Variants in EIF3L observed in about 807,000 individuals in gnomAD.
EIF3L encodes eukaryotic translation initiation factor 3 subunit L.
Under a neutral mutation model 74.6 loss-of-function variants are expected in EIF3L, and 32 were observed. The observed-to-expected ratio is 0.43, with a 90% confidence interval of 0.32 to 0.58. The LOEUF is 0.58. EIF3L is among the 20% of genes least tolerant of loss of function. The pLI is 0.06. For synonymous variants in EIF3L, 256 were observed against 254.4 expected (o/e 1.01, Z -0.06); for missense variants, 474 against 707.8 (o/e 0.67, Z 3.75).
chr22:37,874,575 C>A, intron 9 of EIF3L, 51 bp downstream of exon 9: 1 of 1,586,322 alleles, frequency 6.3e-7, no homozygotes, highest in South Asian at 1.1e-5. Context: ...ATATCTATTT[C>A]TAGAGAACCA....
intron 8 of EIF3L, among the ~76,000 whole-genome samples, chr22:37,873,511 T>C (rs1249749815): frequency 3.3e-5 from 5 of 152,094 alleles, no homozygotes. Flanking sequence ...GCCAGGATGG[T>C]CTCGATCTCC....
At chr22:37,858,863 T>C in intron 5 of EIF3L, 123 bp downstream of exon 5, 1 of 923,226 alleles carries the variant, frequency 1.1e-6, no homozygotes, top group Non-Finnish European at 1.6e-6. Flanking sequence ...TTGGCATGTT[T>C]TTGAGTTTTA....
In EIF3L at chr22:37,853,253, C is replaced by G. The variant is rs989951275; in HGVS notation, c.293+1763C>G. Among the ~76,000 whole-genome samples, 4 of 152,232 alleles carry G rather than the reference C, an allele frequency of 2.6e-5. No individual in the cohort carries two copies. The South Asian group carries it at 8.3e-4, about 32-fold the overall frequency. On this transcript the variant is annotated intron_variant, in intron 3 of 12. Coordinates refer to ENST00000652021, the MANE Select transcript of EIF3L (RefSeq NM_016091.4). ...CGACAGCATCCTCAGTTCTTGACTC[C>G]TAACAAGAAAGAATTCGACTGAGGG...
At chr22:37,871,749 AT>A (rs924103565) in intron 8 of EIF3L, among the ~76,000 whole-genome samples, 5 of 151,858 alleles carry the variant, frequency 3.3e-5, no homozygotes, top group Non-Finnish European at 7.4e-5. Flanking sequence ...GGCACCTGTA[AT>A]CCCATCTACT....
intron 8 of EIF3L, 43 bp from the exon 9 acceptor site, chr22:37,874,327 T>G: frequency 6.3e-7 from 1 of 1,593,870 alleles, no homozygotes; most frequent in Non-Finnish European, 8.6e-7. Flanking sequence ...GTGCCTGCCT[T>G]TACCTGCCTC....
At chr22:37,875,202 C>T (rs1281852656) in intron 9 of EIF3L, among the ~76,000 whole-genome samples, 1 of 149,310 alleles carries the variant, frequency 6.7e-6, no homozygotes, top group African/African-American at 2.5e-5. Flanking sequence ...AACCCTGTCT[C>T]TGTTGAAAAT....
chr22:37,868,039 G>C (rs979599308), intron 7 of EIF3L, among the ~76,000 whole-genome samples: 5 of 149,994 alleles, frequency 3.3e-5, no homozygotes, highest in Non-Finnish European at 7.4e-5. Flanking sequence ...TCTTTGAAGT[G>C]ATCATCACTA....
At chr22:37,856,320 G>C (rs571236395) in intron 4 of EIF3L, among the ~76,000 whole-genome samples, 3 of 151,782 alleles carry the variant, frequency 2.0e-5, no homozygotes, top group Non-Finnish European at 2.9e-5. Flanking sequence ...CAGGTGATTC[G>C]CCCACCTCAG....
intron 8 of EIF3L, among the ~76,000 whole-genome samples, chr22:37,872,044 T>C (rs754413182): frequency 3.9e-5 from 6 of 152,122 alleles, no homozygotes; most frequent in African/African-American, 1.4e-4. Context: ...AATCTGAAAC[T>C]GTATTGGTGA....
At chr22:37,849,951 C>G in intron 1 of EIF3L, 64 bp from the exon 2 acceptor site, 1 of 1,581,902 alleles carries the variant, frequency 6.3e-7, no homozygotes, top group Non-Finnish European at 8.7e-7. Flanking sequence ...CATCTAGACT[C>G]TAGGATGAGC....
intron 9 of EIF3L, 67 bp downstream of exon 9, chr22:37,874,591 A>ATT: frequency 6.6e-7 from 1 of 1,522,400 alleles, no homozygotes; most frequent in Admixed American, 2.0e-5. Context: ...AACCACTCTG[A>ATT]TCTCTTAGGA....
chr22:37,870,806 A>G lies in EIF3L; in HGVS notation c.751+459A>G, dbSNP rs558823681. On this transcript the variant is annotated intron_variant, in intron 8 of 12. Coordinates refer to ENST00000652021, the MANE Select transcript of EIF3L (RefSeq NM_016091.4). ...CTGCTTCTGCATTCAATCTGTTGCAATGTGTTCTTTTGTTTGAAGCACATA... is the reference window on the plus strand; with the variant it reads ...CTGCTTCTGCATTCAATCTGTTGCAGTGTGTTCTTTTGTTTGAAGCACATA... Among the ~76,000 whole-genome samples, 12 of 152,122 alleles carry G rather than the reference A, an allele frequency of 7.9e-5. No individual in the cohort carries two copies. In the South Asian group the frequency reaches 1.0e-3, roughly 13 times the overall value.
chr22:37,854,205 G>A (rs1925376273), intron 3 of EIF3L, among the ~76,000 whole-genome samples: 1 of 152,192 alleles, frequency 6.6e-6, no homozygotes, highest in Non-Finnish European at 1.5e-5. Flanking sequence ...AATTGGCAAA[G>A]AAATGTCACA....
intron 5 of EIF3L, among the ~76,000 whole-genome samples, chr22:37,859,374 C>CTTTTTTTT (rs34020382): frequency 0.016 from 1,286 of 79,084 alleles, 239 homozygotes; most frequent in African/African-American, 0.04. Context: ...CGTGAAGTTT[C>CTTTTTTTT]TTTTTTTTTT....
chr22:37,861,821 T>C (rs1275895158), intron 5 of EIF3L, among the ~76,000 whole-genome samples: 1 of 152,236 alleles, frequency 6.6e-6, no homozygotes, highest in African/African-American at 2.4e-5. Flanking sequence ...ATAGTATAGC[T>C]GGTTTTACCA....
In EIF3L at chr22:37,867,269, G is replaced by C. The variant is rs146237945; in HGVS notation, c.580-2907G>C. On this transcript the variant is annotated intron_variant, in intron 7 of 12. Coordinates refer to ENST00000652021, the MANE Select transcript of EIF3L (RefSeq NM_016091.4). ...TTCTCCCTGCTCAGCCTCCAAAAGT[G>C]CTGGGATTACAGGCGTGAGCCACCA... Among the ~76,000 whole-genome samples, 6 of 152,052 alleles carry C rather than the reference G, an allele frequency of 3.9e-5. No homozygotes were observed. The East Asian group carries it at 1.2e-3, about 30-fold the overall frequency.
chr22:37,865,861 T>C (rs1362308214), intron 7 of EIF3L, among the ~76,000 whole-genome samples: 8 of 152,216 alleles, frequency 5.3e-5, no homozygotes, highest in African/African-American at 1.9e-4. Context: ...TGATTTTCTT[T>C]ATCCCTCTTA....
intron 12 of EIF3L, 93 bp downstream of exon 12, chr22:37,886,938 A>G (rs1477096000): frequency 4.9e-6 from 5 of 1,019,772 alleles, no homozygotes; most frequent in African/African-American, 3.3e-5. Flanking sequence ...TTATTCCTTT[A>G]TTTATTTTGA....
At chr22:37,858,426 A>G (rs1383616216) in intron 4 of EIF3L, 2 of 454,700 alleles carry the variant, frequency 4.4e-6, no homozygotes, top group African/African-American at 2.1e-5. Flanking sequence ...ATGCACTTGG[A>G]TGGCAGAAGT....
Sources: gnomAD v4.1 joint callset for allele counts (sites outside exome capture counted in the v4.1 genomes callset) on GRCh38, gnomAD v4.1.1 for gene constraint, MANE v1.5 for transcripts, NCBI Gene and HGNC (gene_info 2026-07-23, HGNC 2026-07-21) for gene names.